The following JPH3 variants were observed in gnomAD, a reference collection of about 807,000 sequenced individuals.
JPH3 encodes junctophilin 3, also known as junctophilin-3.
JPH3 carries 11 observed loss-of-function variants against 59.6 expected under a neutral mutation model. That is an observed-to-expected ratio of 0.18 (90% CI 0.12 to 0.31). JPH3 has a LOEUF of 0.31. Among genes scored for constraint, JPH3 ranks in the 10% least tolerant of loss-of-function variants. The probability of loss-of-function intolerance (pLI) is 1.00; values close to 1 mark genes in which losing one functional copy is unlikely to be tolerated. For missense variants in JPH3, 1,202 were observed against 1,105.7 expected (o/e 1.09, Z -1.24); for synonymous variants, 673 against 483.6 (o/e 1.39, Z -5.14).
chr16:87,624,168 A>G (rs1276648775), intron 1 of JPH3, among the ~76,000 whole-genome samples: 4 of 152,190 alleles, frequency 2.6e-5, no homozygotes, highest in Non-Finnish European at 1.5e-5. Flanking sequence ...TTGCTGACAT[A>G]TGTTTCACAC....
chr16:87,626,505 G>A (rs1489825654), intron 1 of JPH3, among the ~76,000 whole-genome samples: 4 of 152,246 alleles, frequency 2.6e-5, no homozygotes, highest in South Asian at 4.1e-4. Flanking sequence ...TCCAAGTGGT[G>A]TGGGGGCCCC....
intron 4 of JPH3, chr16:87,695,427 G>A: frequency 2.2e-6 from 1 of 456,078 alleles, no homozygotes; most frequent in Non-Finnish European, 4.4e-6. Flanking sequence ...ACAGCAGCAG[G>A]ATGTCTGCGT....
At chr16:87,642,188 A>T (rs2031976764) in intron 1 of JPH3, among the ~76,000 whole-genome samples, 1 of 139,912 alleles carries the variant, frequency 7.1e-6, no homozygotes, top group Non-Finnish European at 1.5e-5. Flanking sequence ...TTCCACACTT[A>T]GTTTGGATCC....
At chr16:87,688,215 G>C (rs2033465027) in intron 3 of JPH3, among the ~76,000 whole-genome samples, 1 of 151,998 alleles carries the variant, frequency 6.6e-6, no homozygotes, top group Admixed American at 6.6e-5. Context: ...CCGTGTGACA[G>C]GAACTCAGAC....
At chr16:87,637,145 G>A (rs1407115222) in intron 1 of JPH3, among the ~76,000 whole-genome samples, 1 of 152,150 alleles carries the variant, frequency 6.6e-6, no homozygotes, top group Middle Eastern at 3.2e-3. Flanking sequence ...TTTTTATTTC[G>A]CTGTGCTTCC....
At chr16:87,677,225 C>A (rs55925009) in intron 2 of JPH3, among the ~76,000 whole-genome samples, 3,745 of 81,314 alleles carry the variant, frequency 0.046, 118 homozygotes, top group African/African-American at 0.099. Context: ...CACACACACA[C>A]AAAAAAAAAA....
At chr16:87,692,758 T>C (rs60569599) in intron 4 of JPH3, among the ~76,000 whole-genome samples, 7,790 of 152,266 alleles carry the variant, frequency 0.051, 668 homozygotes, top group African/African-American at 0.18. Context: ...GGATATGACC[T>C]GATGGTGGGG....
At chr16:87,606,172 G>A (rs779137008) in intron 1 of JPH3, among the ~76,000 whole-genome samples, 1 of 152,338 alleles carries the variant, frequency 6.6e-6, no homozygotes, top group South Asian at 2.1e-4. Flanking sequence ...GGTGGTGACA[G>A]CCATGTCGCA....
At chr16:87,688,020 C>G (rs573243907) in intron 3 of JPH3, among the ~76,000 whole-genome samples, 139 of 152,310 alleles carry the variant, frequency 9.1e-4, no homozygotes, top group African/African-American at 3.3e-3. Flanking sequence ...ACAGGACCCT[C>G]ACGGGGAGAG....
chr16:87,658,220 C>T (rs559792662), intron 2 of JPH3, among the ~76,000 whole-genome samples: 16 of 152,276 alleles, frequency 1.1e-4, no homozygotes, highest in East Asian at 9.7e-4. Flanking sequence ...CTCCTGAGGT[C>T]GCAGGGCTAC....
At chr16:87,691,890 C>T (rs1567617388) in intron 4 of JPH3, among the ~76,000 whole-genome samples, 1 of 152,104 alleles carries the variant, frequency 6.6e-6, no homozygotes, top group Non-Finnish European at 1.5e-5. Flanking sequence ...AAGCAGTGGG[C>T]AGGGTGGGAG....
At chr16:87,621,841 C>T in intron 1 of JPH3, among the ~76,000 whole-genome samples, 1 of 152,162 alleles carries the variant, frequency 6.6e-6, no homozygotes, top group East Asian at 1.9e-4. Context: ...GGGCGATTCT[C>T]CTGTGGGTGC....
chr16:87,649,947 C>G (rs565649735), intron 2 of JPH3, among the ~76,000 whole-genome samples: 1 of 152,362 alleles, frequency 6.6e-6, no homozygotes, highest in East Asian at 1.9e-4. Context: ...TCTGCTGCGT[C>G]TCGTGCAAAC....
intron 2 of JPH3, among the ~76,000 whole-genome samples, chr16:87,656,520 C>T (rs562573331): frequency 1.2e-3 from 184 of 152,290 alleles, no homozygotes; most frequent in African/African-American, 4.3e-3. Context: ...TGAAGGAACT[C>T]GGCTCAGGGC....
rs2033482769 is a variant in JPH3 at position 87,688,849 on chromosome 16, G to A, written c.1286-797G>A. On this transcript the variant is annotated intron_variant, in intron 3 of 4. Coordinates refer to ENST00000284262, the MANE Select transcript of JPH3 (RefSeq NM_020655.4). ...AGTCGGGCATGGCTCCCGTGTCCCT[G>A]CGTTGGCAGGAAATGAGATCCCAGT... Among the ~76,000 whole-genome samples, 3 of 152,214 alleles carry A rather than the reference G, an allele frequency of 2.0e-5. No homozygotes were observed. The South Asian group carries it at 6.2e-4, about 32-fold the overall frequency.
At chr16:87,687,826 G>A (rs1436131383) in intron 3 of JPH3, among the ~76,000 whole-genome samples, 3 of 152,220 alleles carry the variant, frequency 2.0e-5, no homozygotes, top group South Asian at 2.1e-4. Context: ...ACGACCTGGT[G>A]GGAAAGGCCG....
intron 3 of JPH3, 24 bp downstream of exon 3, chr16:87,684,290 T>A: frequency 6.2e-7 from 1 of 1,612,496 alleles, no homozygotes; most frequent in Non-Finnish European, 8.5e-7. Context: ...GGCCTGATAC[T>A]GGCATCGTGG....
At chr16:87,661,027 T>C (rs976168086) in intron 2 of JPH3, among the ~76,000 whole-genome samples, 1 of 152,222 alleles carries the variant, frequency 6.6e-6, no homozygotes, top group Admixed American at 6.5e-5. Context: ...TAATGAGATA[T>C]CGTGAGGATG....
intron 2 of JPH3, among the ~76,000 whole-genome samples, chr16:87,664,266 G>C (rs967066752): frequency 2.7e-5 from 4 of 150,140 alleles, no homozygotes; most frequent in Non-Finnish European, 5.9e-5. Context: ...GGGAGGCGGA[G>C]CTTGCAGTGA....
Sources: allele counts gnomAD v4.1 joint callset (sites outside exome capture counted in the v4.1 genomes callset), GRCh38; gene constraint gnomAD v4.1.1; transcripts MANE v1.5; gene names NCBI Gene and HGNC (gene_info 2026-07-23, HGNC 2026-07-21).